LMAN1L: variants seen among roughly 807,000 people sequenced by gnomAD.
LMAN1L encodes the protein lectin, mannose binding 1 like.
Under a neutral mutation model 58.3 loss-of-function variants are expected in LMAN1L, and 60 were observed. The ratio of observed to expected loss-of-function variants is 1.03; its 90% CI spans 0.84 to 1.27. The LOEUF is 1.27. LMAN1L is among the 50% of genes most tolerant of loss of function. The pLI is 0.00. For missense variants in LMAN1L, 629 were observed against 674.0 expected (o/e 0.93, Z 0.74); for synonymous variants, 280 against 271.6 (o/e 1.03, Z -0.31).
At chr15:74,817,565 G>A (rs972836491) in intron 4 of LMAN1L, among the ~76,000 whole-genome samples, 1 of 152,208 alleles carries the variant, frequency 6.6e-6, no homozygotes. Flanking sequence ...AGAGCCTGCC[G>A]AGCCGACCTG....
chr15:74,818,644 C>G (rs2063903007), intron 4 of LMAN1L, 74 bp from the exon 5 acceptor site: 8 of 1,146,658 alleles, frequency 7.0e-6, no homozygotes, highest in South Asian at 2.6e-5. Flanking sequence ...CAATGAGCCA[C>G]AACTGCACCA....
chr15:74,824,621 AG>A, intron 13 of LMAN1L, 143 bp downstream of exon 13: 1 of 961,450 alleles, frequency 1.0e-6, no homozygotes, highest in South Asian at 1.6e-5. Context: ...AGTGCGGGAT[AG>A]GGCCCATTCT....
At position 74,816,513 on chromosome 15, in the gene LMAN1L, C is replaced by G; in HGVS notation, c.417C>G (p.Asp139Glu). ...ASWDGIGIFF[D>E]SPAEDTQDSP... ...GGGACGGCATCGGGATCTTCTTTGACTCTCCGGCAGAGGATACTCAGGTGC... is the reference window on the plus strand; with the variant it reads ...GGGACGGCATCGGGATCTTCTTTGAGTCTCCGGCAGAGGATACTCAGGTGC... Residue 139 changes from aspartate to glutamate, a missense_variant, in exon 3 of 14, where the codon GAC (aspartate) becomes GAG (glutamate). By Grantham distance (45) the Asp-to-Glu change is conservative. Transcript: ENST00000309664. The G allele has an allele frequency of 6.4e-7, 1 of 1,554,560 alleles. No individual in the cohort carries two copies. Among genetic ancestry groups the G allele is most frequent in the Non-Finnish European group, 8.7e-7 (1 of 1,146,554 alleles).
Position 74,812,935 on chromosome 15 carries a change from T to A in LMAN1L, c.81T>A (p.Cys27Ter). Residue 27 changes from cysteine (C) to a stop codon, truncating the protein, a stop_gained, in exon 1 of 14, where the codon TGT becomes TGA. Transcript: ENST00000309664. LOFTEE classifies it high-confidence loss of function. ...ACCCCCACAGCCCTGAGACGGGGTG[T>A]CCTCCTCTACGCAGGTTTGAGTACA... ...LLDPHSPETG[C>*]PPLRRFEYKL... is the part of the protein sequence containing the mutation. 6.2e-7 allele frequency: 1 copy of A among 1,614,064 alleles called. No homozygotes were observed. Among genetic ancestry groups the A allele is most frequent in the Non-Finnish European group, 8.5e-7 (1 of 1,179,972 alleles).
At chr15:74,819,370 TCAC>T (rs2063907066) in intron 6 of LMAN1L, 98 bp downstream of exon 6, 1 of 1,453,460 alleles carries the variant, frequency 6.9e-7, no homozygotes, top group African/African-American at 1.4e-5. Flanking sequence ...GTCAGCCACT[TCAC>T]CACATGACCT....
intron 1 of LMAN1L, among the ~76,000 whole-genome samples, chr15:74,815,236 G>A (rs2063885216): frequency 1.3e-5 from 2 of 152,306 alleles, no homozygotes; most frequent in Admixed American, 1.3e-4. Flanking sequence ...GGGACTTGTG[G>A]CCTTGCAGCT....
At chr15:74,817,009 G>A (rs2063894769) in intron 4 of LMAN1L, among the ~76,000 whole-genome samples, 1 of 152,178 alleles carries the variant, frequency 6.6e-6, no homozygotes, top group Admixed American at 6.5e-5. Context: ...TGAGCCCAGA[G>A]AGGGGAAGGG....
chr15:74,816,785 AG>A (rs1213243059), intron 4 of LMAN1L, 95 bp downstream of exon 4: 10 of 1,245,136 alleles, frequency 8.0e-6, no homozygotes, highest in South Asian at 1.4e-5. Context: ...CTCCTCCAGC[AG>A]GGGGCCCACC....
In LMAN1L at chr15:74,821,331, G is replaced by A. The variant is rs540600122; in HGVS notation, c.1059+105G>A. 228 of 1,340,566 alleles carry A rather than the reference G, an allele frequency of 1.7e-4. 1 individual carries two copies. The highest frequency in any genetic ancestry group is 2.2e-4 in the Non-Finnish European group (220 of 990,138). 83.0% of individuals were successfully genotyped at this position (1,340,566 alleles called of 1,614,324 possible). A position where few individuals can be genotyped will look rare whatever the true frequency, so the allele number is the denominator to read the frequency against. Reference sequence around the variant, plus strand: ...CCCTAAGGCCTGGAGGGAAAGGAAGGCAGGGATGAAATGCTGCAGGTCACA... The same window carrying A: ...CCCTAAGGCCTGGAGGGAAAGGAAGACAGGGATGAAATGCTGCAGGTCACA... On this transcript the variant is annotated intron_variant, in intron 9 of 13. Transcript: ENST00000309664.
rs780619930 is a variant in LMAN1L, at chr15:74,820,119, A to G, written c.774+20A>G. 6.2e-7 allele frequency: 1 copy of G among 1,609,262 alleles called. No homozygotes were observed. Among genetic ancestry groups the G allele is most frequent in the South Asian group, 1.1e-5 (1 of 90,974 alleles). On this transcript the variant is annotated intron_variant, in intron 7 of 13. Transcript: ENST00000309664. ...CCAGAGGTGATGCCAGCCCTGGCCT[A>G]CCTGGGAATGGCAGCCCAGGGACCC...
chr15:74,817,756 A>T (rs1212820308), intron 4 of LMAN1L, among the ~76,000 whole-genome samples: 1 of 152,216 alleles, frequency 6.6e-6, no homozygotes, highest in Non-Finnish European at 1.5e-5. Flanking sequence ...TCACGCCTGT[A>T]ATCCCAGCAT....
Position 74,822,560 on chromosome 15 carries a change from G to C in LMAN1L, c.1132-82G>C, listed in dbSNP as rs995607958. 22 of 1,107,678 alleles carry C rather than the reference G, an allele frequency of 2.0e-5. 1 individual carries two copies. In the African/African-American group the frequency reaches 3.4e-4, roughly 17 times the overall value. The allele number at this position is 1,107,678 out of a possible 1,614,324, so 68.6% of individuals were successfully genotyped here. A position where few individuals can be genotyped will look rare whatever the true frequency, so the allele number is the denominator to read the frequency against. On this transcript the variant is annotated intron_variant, in intron 10 of 13. Transcript: ENST00000309664. ...CTGGGAAGGCCTCTGGAAGGAAGAG[G>C]CTGCAGTGCCGCTGGGAAGGTGGGC... is the stretch of plus-strand genomic sequence containing the variant.
In LMAN1L at chr15:74,820,004, G is replaced by A. The variant is rs572168657; in HGVS notation, c.719-40G>A. The A allele has an allele frequency of 3.2e-5, 50 of 1,585,798 alleles. No individual in the cohort carries two copies. In the East Asian group the frequency reaches 8.7e-4, roughly 28 times the overall value. On this transcript the variant is annotated intron_variant, in intron 6 of 13. Transcript: ENST00000309664. ...GAAGGCTGAGCGAGGGGGTTGCTGGGTGGAGGGGTCTTACTTCTCCTTCAT... is the reference window on the plus strand; with the variant it reads ...GAAGGCTGAGCGAGGGGGTTGCTGGATGGAGGGGTCTTACTTCTCCTTCAT...
chr15:74,818,225 T>C (rs1435653982), intron 4 of LMAN1L, among the ~76,000 whole-genome samples: 1 of 152,102 alleles, frequency 6.6e-6, no homozygotes, highest in Non-Finnish European at 1.5e-5. Context: ...CCTGCTCCTC[T>C]CTCTTCTGCC....
chr15:74,819,463 T>C (rs2063907373), intron 6 of LMAN1L, 191 bp downstream of exon 6: 1 of 704,202 alleles, frequency 1.4e-6, no homozygotes, highest in South Asian at 2.3e-5. Flanking sequence ...AGAGAAGCTT[T>C]GATTTCAGTG....
chr15:74,814,207 T>G (rs1333926847), intron 1 of LMAN1L, among the ~76,000 whole-genome samples: 2 of 151,824 alleles, frequency 1.3e-5, no homozygotes, highest in East Asian at 1.9e-4. Flanking sequence ...CCTTTTTTTT[T>G]TGTGAGATGG....
chr15:74,824,053 C>A, intron 12 of LMAN1L: 1 of 507,968 alleles, frequency 2.0e-6, no homozygotes, highest in African/African-American at 1.9e-5. Flanking sequence ...GTTCCCTCGC[C>A]CTCACCCTGC....
chr15:74,821,999 C>T lies in LMAN1L; in HGVS notation c.1131+99C>T, dbSNP rs2063918957. 5 of 791,488 alleles carry T rather than the reference C, an allele frequency of 6.3e-6. No homozygotes were observed. In the East Asian group the frequency reaches 1.2e-4, roughly 20 times the overall value. The allele number at this position is 791,488 out of a possible 1,614,324, so 49.0% of individuals were successfully genotyped here. A position where few individuals can be genotyped will look rare whatever the true frequency, so the allele number is the denominator to read the frequency against. On this transcript the variant is annotated intron_variant, in intron 10 of 13. Transcript: ENST00000309664. ...AGAGGACTGGGCTGGGCCTCTGCTT[C>T]CTTCAGGGGACAGAACCACTTTTAG...
At chr15:74,814,913 C>G (rs78646934) in intron 1 of LMAN1L, among the ~76,000 whole-genome samples, 131 of 152,324 alleles carry the variant, frequency 8.6e-4, no homozygotes, top group African/African-American at 3.1e-3. Flanking sequence ...TCTCACAGCA[C>G]CAAGCTGGGC....
Sources: allele counts gnomAD v4.1 joint callset (sites outside exome capture counted in the v4.1 genomes callset), GRCh38; gene constraint gnomAD v4.1.1; transcripts MANE v1.5; gene names NCBI Gene and HGNC (gene_info 2026-07-23, HGNC 2026-07-21).